Variants in PRIM2 observed in about 807,000 individuals in gnomAD.
PRIM2 encodes DNA primase large subunit.
PRIM2 carries 39 observed loss-of-function variants against 67.3 expected under a neutral mutation model. The observed-to-expected ratio is 0.58, with a 90% CI of 0.45 to 0.76. PRIM2 has a LOEUF of 0.76. PRIM2 is among the 30% of genes least tolerant of loss of function. PRIM2 has a pLI of 0.00. For missense variants in PRIM2, 398 were observed against 598.7 expected, an observed-to-expected ratio of 0.66 and a Z score of 3.50; for synonymous variants, 143 against 198.7, an observed-to-expected ratio of 0.72 and a Z score of 2.36.
chr6:57,374,260 G>C (rs9382714), intron 5 of PRIM2, among the ~76,000 whole-genome samples: 2 of 141,454 alleles, frequency 1.4e-5, no homozygotes, highest in East Asian at 2.0e-4. Flanking sequence ...GCTATTGTTG[G>C]TGTATAGGAA....
intron 7 of PRIM2, among the ~76,000 whole-genome samples, chr6:57,494,730 AT>A (rs1321832041): frequency 3.6e-4 from 55 of 152,320 alleles, no homozygotes; most frequent in African/African-American, 1.3e-3. Flanking sequence ...AACAACCCTG[AT>A]GTGTTTGTTA....
intron 7 of PRIM2, among the ~76,000 whole-genome samples, chr6:57,400,669 C>T (rs892612636): frequency 2.6e-5 from 4 of 152,200 alleles, no homozygotes; most frequent in Non-Finnish European, 5.9e-5. Context: ...GGAAAGTTTT[C>T]ATGGATGATA....
chr6:57,548,405 G>A (rs1288074116), intron 10 of PRIM2, among the ~76,000 whole-genome samples: 5 of 152,132 alleles, frequency 3.3e-5, no homozygotes, highest in Non-Finnish European at 5.9e-5. Context: ...GGTACAGAGG[G>A]TGACTGTGCC....
chr6:57,372,155 C>T (rs1401545531), intron 5 of PRIM2, among the ~76,000 whole-genome samples: 1 of 152,134 alleles, frequency 6.6e-6, no homozygotes, highest in East Asian at 1.9e-4. Flanking sequence ...TTTTTAGTTT[C>T]TGTATCTTTA....
intron 5 of PRIM2, among the ~76,000 whole-genome samples, chr6:57,339,559 A>G (rs1272166668): frequency 1.3e-5 from 2 of 152,218 alleles, no homozygotes; most frequent in Non-Finnish European, 2.9e-5. Context: ...CTGCATATCT[A>G]CAACTATCTG....
intron 5 of PRIM2, among the ~76,000 whole-genome samples, chr6:57,367,625 A>G (rs1365678046): frequency 6.6e-6 from 1 of 152,224 alleles, no homozygotes; most frequent in Non-Finnish European, 1.5e-5. Flanking sequence ...TCTGTTCCAC[A>G]TAGTATTATA....
At chr6:57,547,450 G>A (rs1453694212) in intron 10 of PRIM2, among the ~76,000 whole-genome samples, 1 of 152,132 alleles carries the variant, frequency 6.6e-6, no homozygotes, top group Non-Finnish European at 1.5e-5. Context: ...GGTGCTCGAT[G>A]TTTAGCTCCC....
chr6:57,553,969 T>G (rs1419071841), intron 10 of PRIM2, among the ~76,000 whole-genome samples: 1 of 152,200 alleles, frequency 6.6e-6, no homozygotes, highest in African/African-American at 2.4e-5. Flanking sequence ...AAAATCTGTC[T>G]TTATTAATAG....
At chr6:57,510,915 A>G (rs1774352543) in intron 8 of PRIM2, among the ~76,000 whole-genome samples, 1 of 152,086 alleles carries the variant, frequency 6.6e-6, no homozygotes, top group Non-Finnish European at 1.5e-5. Flanking sequence ...ATTGATTTGC[A>G]TGAACTGTGT....
At chr6:57,605,343 G>A (rs1264518830) in intron 11 of PRIM2, among the ~76,000 whole-genome samples, 2 of 152,156 alleles carry the variant, frequency 1.3e-5, no homozygotes, top group African/African-American at 2.4e-5. Context: ...AGTTTTGGTA[G>A]GATTGGTACC....
chr6:57,337,990 A>T (rs1256327665), intron 5 of PRIM2, among the ~76,000 whole-genome samples: 1 of 152,132 alleles, frequency 6.6e-6, no homozygotes, highest in Non-Finnish European at 1.5e-5. Flanking sequence ...AAGAGAGAGG[A>T]ATCAAATAGA....
intron 7 of PRIM2, among the ~76,000 whole-genome samples, chr6:57,475,565 C>T (rs1354443634): frequency 2.0e-5 from 3 of 152,134 alleles, no homozygotes; most frequent in African/African-American, 4.8e-5. Context: ...GATATTTCAT[C>T]GTGTGCATAT....
intron 10 of PRIM2, among the ~76,000 whole-genome samples, chr6:57,551,670 G>GA (rs1309641677): frequency 7.4e-4 from 105 of 141,992 alleles, no homozygotes; most frequent in Admixed American, 2.3e-3. Flanking sequence ...GAACAATATA[G>GA]AAAAAAAAAA....
intron 5 of PRIM2, among the ~76,000 whole-genome samples, chr6:57,340,576 A>G (rs1768442663): frequency 6.6e-6 from 1 of 152,162 alleles, no homozygotes; most frequent in African/African-American, 2.4e-5. Flanking sequence ...TGAAATTGGA[A>G]ATCATCATTC....
At chr6:57,338,193 A>C (rs1057482693) in intron 5 of PRIM2, among the ~76,000 whole-genome samples, 6 of 152,140 alleles carry the variant, frequency 3.9e-5, no homozygotes, top group South Asian at 2.1e-4. Context: ...CAATAACAGG[A>C]TCTGAAATTG....
rs1325293340 is a variant in PRIM2, at chr6:57,624,764, G to A, written c.1231-7369G>A. Among the ~76,000 whole-genome samples, 642 of 152,284 alleles carry A rather than the reference G, an allele frequency of 4.2e-3. 2 individuals carry two copies. The highest frequency in any genetic ancestry group is 0.014 in the African/African-American group (601 of 41,566). On this transcript the variant is annotated intron_variant, in intron 12 of 13. Coordinates refer to ENST00000615550, the MANE Select transcript of PRIM2 (RefSeq NM_000947.5). ...CTAGTGAGACTTCTACCTTCATGGA[G>A]CTGATATTCCAGTGGGGAGACAGAC...
intron 7 of PRIM2, among the ~76,000 whole-genome samples, chr6:57,450,223 A>G (rs1398241457): frequency 1.3e-5 from 2 of 152,208 alleles, no homozygotes; most frequent in Non-Finnish European, 2.9e-5. Context: ...AACTTTATAG[A>G]TTTGTAAAAA....
chr6:57,638,599 A>AAGCAGGGATT (rs1777166488), intron 13 of PRIM2, among the ~76,000 whole-genome samples: 1 of 146,058 alleles, frequency 6.8e-6, no homozygotes, highest in Non-Finnish European at 1.5e-5. Flanking sequence ...AAAAAAAAAA[A>AAGCAGGGATT]GCAGGGATTG....
chr6:57,454,388 T>C (rs1172915760), intron 7 of PRIM2, among the ~76,000 whole-genome samples: 5 of 152,218 alleles, frequency 3.3e-5, no homozygotes, highest in Non-Finnish European at 7.3e-5. Context: ...GTACCTCTGG[T>C]AGAATTCGGC....
Sources: allele counts gnomAD v4.1 joint callset (sites outside exome capture counted in the v4.1 genomes callset), GRCh38; gene constraint gnomAD v4.1.1; transcripts MANE v1.5; gene names NCBI Gene and HGNC (gene_info 2026-07-23, HGNC 2026-07-21).